MARK1: variants seen among roughly 807,000 people sequenced by gnomAD.
MARK1 encodes the protein serine/threonine-protein kinase MARK1.
A neutral mutation model predicts 96.3 loss-of-function variants in MARK1; 40 were observed. The ratio of observed to expected loss-of-function variants is 0.42; its 90% CI spans 0.32 to 0.54. MARK1 has a LOEUF of 0.54. Among genes scored for constraint, MARK1 ranks in the 20% least tolerant of loss-of-function variants. The pLI is 0.16. For synonymous variants in MARK1, 317 were observed against 341.2 expected (o/e 0.93, Z 0.78); for missense variants, 719 against 984.6 (o/e 0.73, Z 3.61).
chr1:220,604,922 A>G (rs940756003), intron 6 of MARK1, among the ~76,000 whole-genome samples: 1 of 152,192 alleles, frequency 6.6e-6, no homozygotes, highest in Admixed American at 6.5e-5. Flanking sequence ...ATAATTTACT[A>G]TATCCTAAAC....
chr1:220,554,842 G>A (rs1436484461), intron 1 of MARK1, among the ~76,000 whole-genome samples: 1 of 152,162 alleles, frequency 6.6e-6, no homozygotes, highest in Non-Finnish European at 1.5e-5. Context: ...GAGATGTAGT[G>A]GGAATTGCCA....
At chr1:220,612,987 C>T (rs1666538419) in intron 6 of MARK1, among the ~76,000 whole-genome samples, 1 of 152,032 alleles carries the variant, frequency 6.6e-6, no homozygotes. Context: ...TAAGTATTAA[C>T]AATTGCAAAG....
chr1:220,661,337 AC>A (rs1467750888), intron 17 of MARK1, among the ~76,000 whole-genome samples: 1 of 152,188 alleles, frequency 6.6e-6, no homozygotes, highest in African/African-American at 2.4e-5. Context: ...TTGCAGTACA[AC>A]ATTCTTTCTC....
intron 3 of MARK1, among the ~76,000 whole-genome samples, chr1:220,594,964 T>A (rs1441839824): frequency 6.6e-6 from 1 of 152,170 alleles, no homozygotes; most frequent in Non-Finnish European, 1.5e-5. Context: ...ACCCATAGAA[T>A]GTATAGTAGT....
At chr1:220,616,638 A>G (rs1362217982) in intron 7 of MARK1, among the ~76,000 whole-genome samples, 1 of 152,114 alleles carries the variant, frequency 6.6e-6, no homozygotes, top group Non-Finnish European at 1.5e-5. Flanking sequence ...TTTATCAACT[A>G]CTATCACCAG....
intron 7 of MARK1, among the ~76,000 whole-genome samples, chr1:220,617,376 T>G (rs1396907453): frequency 6.6e-6 from 1 of 152,156 alleles, no homozygotes; most frequent in Non-Finnish European, 1.5e-5. Context: ...GGCAGAGTGC[T>G]TGACTCTTAT....
intron 17 of MARK1, 95 bp downstream of exon 17, chr1:220,657,929 T>A: frequency 1.2e-6 from 1 of 858,890 alleles, no homozygotes; most frequent in Non-Finnish European, 1.6e-6. Context: ...TGAATAGATC[T>A]AATAACTAGA....
At chr1:220,650,516 A>G in intron 13 of MARK1, 104 bp from the exon 14 acceptor site, 1 of 688,638 alleles carries the variant, frequency 1.5e-6, no homozygotes, top group Non-Finnish European at 2.6e-6. Flanking sequence ...ATTCTGATCA[A>G]TTAAAATTCT....
intron 4 of MARK1, among the ~76,000 whole-genome samples, 179 bp downstream of exon 4, chr1:220,598,558 A>C (rs1401795541): frequency 6.6e-6 from 1 of 151,718 alleles, no homozygotes; most frequent in Non-Finnish European, 1.5e-5. Context: ...ATAGATTACA[A>C]AGAAGCTAAC....
chr1:220,610,686 G>A, intron 6 of MARK1, among the ~76,000 whole-genome samples: 1 of 152,180 alleles, frequency 6.6e-6, no homozygotes, highest in Non-Finnish European at 1.5e-5. Flanking sequence ...CATCTTTGTG[G>A]TTTTATCTAC....
intron 17 of MARK1, among the ~76,000 whole-genome samples, chr1:220,661,243 G>A (rs1238302117): frequency 6.6e-6 from 1 of 152,266 alleles, no homozygotes; most frequent in East Asian, 1.9e-4. Flanking sequence ...GAACGTTGTA[G>A]ACTGTTTTAA....
At chr1:220,572,344 C>T (rs1458108561) in intron 1 of MARK1, among the ~76,000 whole-genome samples, 1 of 152,170 alleles carries the variant, frequency 6.6e-6, no homozygotes, top group African/African-American at 2.4e-5. Flanking sequence ...CGGGTTCAAG[C>T]AATTCTCCTG....
chr1:220,655,643 G>A (rs556365683), intron 16 of MARK1, among the ~76,000 whole-genome samples: 3 of 152,170 alleles, frequency 2.0e-5, no homozygotes, highest in South Asian at 2.1e-4. Flanking sequence ...TATCACTCCC[G>A]CCACTGCCTT....
intron 1 of MARK1, among the ~76,000 whole-genome samples, chr1:220,564,466 A>G (rs1662903519): frequency 6.6e-6 from 1 of 152,184 alleles, no homozygotes; most frequent in Admixed American, 6.5e-5. Context: ...TTATTTAATT[A>G]TAGCGATAAT....
chr1:220,597,809 T>C (rs1665478416), intron 3 of MARK1, among the ~76,000 whole-genome samples: 2 of 152,250 alleles, frequency 1.3e-5, no homozygotes, highest in Non-Finnish European at 2.9e-5. Context: ...ATTTTGTTTT[T>C]ATATAAATTA....
intron 11 of MARK1, among the ~76,000 whole-genome samples, chr1:220,633,803 G>GCT (rs1355174486): frequency 6.6e-6 from 1 of 152,222 alleles, no homozygotes; most frequent in African/African-American, 2.4e-5. Context: ...GATAGGAAAG[G>GCT]TACAGATTTC....
At chr1:220,630,436 C>CT (rs1363456053) in intron 9 of MARK1, among the ~76,000 whole-genome samples, 1 of 152,248 alleles carries the variant, frequency 6.6e-6, no homozygotes, top group South Asian at 2.1e-4. Context: ...CCAGGACTGT[C>CT]TGTTATTTCA....
intron 1 of MARK1, among the ~76,000 whole-genome samples, chr1:220,557,662 G>A (rs138902911): frequency 0.011 from 1,696 of 152,252 alleles, 28 homozygotes; most frequent in African/African-American, 0.039. Context: ...AGTTCAGGGA[G>A]AAGGAAACAG....
intron 1 of MARK1, among the ~76,000 whole-genome samples, chr1:220,578,866 G>T (rs770228792): frequency 7.2e-5 from 11 of 151,832 alleles, no homozygotes; most frequent in Non-Finnish European, 1.3e-4. Flanking sequence ...TTTTTGAGAT[G>T]GAGTCCCGCT....
Sources: allele counts gnomAD v4.1 joint callset (sites outside exome capture counted in the v4.1 genomes callset), GRCh38; gene constraint gnomAD v4.1.1; transcripts MANE v1.5; gene names NCBI Gene and HGNC (gene_info 2026-07-23, HGNC 2026-07-21).